The following UGT1A6 variants were observed in gnomAD, a reference collection of about 807,000 sequenced individuals.
UGT1A6 encodes UDP-glucuronosyltransferase 1A6.
Under a neutral mutation model 44.4 loss-of-function variants are expected in UGT1A6, and 32 were observed. That is an observed-to-expected ratio of 0.72 (90% CI 0.54 to 0.97). The LOEUF is 0.97. UGT1A6 is among the 50% of genes least tolerant of loss of function. The probability of loss-of-function intolerance (pLI) is 0.00; values close to 1 mark genes in which losing one functional copy is unlikely to be tolerated. For missense variants in UGT1A6, 685 were observed against 661.9 expected, an observed-to-expected ratio of 1.03 and a Z score of -0.38; for synonymous variants, 238 against 248.5, an observed-to-expected ratio of 0.96 and a Z score of 0.40.
At chr2:233,770,522 G>A (rs1294728713) in intron 4 of UGT1A6, 1 of 152,120 alleles carries the variant, frequency 6.6e-6, no homozygotes. Context: ...CCCAGGCATG[G>A]TGGTGTATGC....
chr2:233,771,982 G>T (rs1700430504), intron 4 of UGT1A6, among the ~76,000 whole-genome samples: 2 of 152,206 alleles, frequency 1.3e-5, no homozygotes, highest in South Asian at 4.1e-4. Context: ...AGACATAGTG[G>T]TGCATGACTA....
chr2:233,734,671 A>T (rs1355511130), intron 1 of UGT1A6, among the ~76,000 whole-genome samples: 2 of 152,154 alleles, frequency 1.3e-5, no homozygotes, highest in African/African-American at 4.8e-5. Context: ...ATTTCCCTCT[A>T]CACACTGATT....
intron 1 of UGT1A6, among the ~76,000 whole-genome samples, chr2:233,698,608 C>T (rs2075450737): frequency 6.6e-6 from 1 of 152,158 alleles, no homozygotes; most frequent in African/African-American, 2.4e-5. Context: ...GATTAATAAA[C>T]AGTGGAATTC....
intron 1 of UGT1A6, among the ~76,000 whole-genome samples, chr2:233,711,145 T>A (rs1293113032): frequency 1.3e-5 from 2 of 152,232 alleles, no homozygotes; most frequent in Non-Finnish European, 2.9e-5. Flanking sequence ...TGCCTTGGGC[T>A]GCTCCTCCTA....
intron 1 of UGT1A6, chr2:233,713,770 A>C: frequency 1.9e-6 from 3 of 1,613,732 alleles, no homozygotes; most frequent in Non-Finnish European, 2.5e-6. Flanking sequence ...TTCCGAGGGG[A>C]CTTTGTGATG....
At chr2:233,748,830 A>T (rs1694040307) in intron 1 of UGT1A6, among the ~76,000 whole-genome samples, 1 of 151,290 alleles carries the variant, frequency 6.6e-6, no homozygotes, top group African/African-American at 2.5e-5. Flanking sequence ...TCTAGGGAGG[A>T]GATAAAACTG....
At chr2:233,747,065 G>T (rs1693553512) in intron 1 of UGT1A6, 1 of 956,080 alleles carries the variant, frequency 1.0e-6, no homozygotes, top group Admixed American at 2.9e-5. Context: ...TGGTTAATCG[G>T]TAATAATTAA....
At chr2:233,701,084 G>A (rs2075609519) in intron 1 of UGT1A6, among the ~76,000 whole-genome samples, 1 of 152,164 alleles carries the variant, frequency 6.6e-6, no homozygotes, top group African/African-American at 2.4e-5. Flanking sequence ...ATTCCATGGT[G>A]TATATGTGCC....
rs143907483 is a variant in UGT1A6 at position 233,715,103 on chromosome 2, C to G, written c.861+21238C>G. 2.9e-3 allele frequency among the ~76,000 whole-genome samples: 442 copies of G among 152,202 alleles called. 2 individuals carry two copies. The highest frequency in any genetic ancestry group is 5.0e-3 in the Non-Finnish European group (340 of 68,020). On this transcript the variant is annotated intron_variant, in intron 1 of 4. Coordinates refer to ENST00000305139, the MANE Select transcript of UGT1A6 (RefSeq NM_001072.4). The stretch of plus-strand genomic sequence containing the variant: ...GTTTCATCATATTGGCCAGGCTGAT[C>G]TCAAATGCCTGATCTCAAGTGATTC...
chr2:233,761,212 G>A (rs1200424446), intron 1 of UGT1A6: 5 of 1,613,556 alleles, frequency 3.1e-6, no homozygotes, highest in Non-Finnish European at 2.5e-6. Flanking sequence ...ACTTTGGATC[G>A]ATTAACTAGC....
chr2:233,746,892 G>A (rs1693507408), intron 1 of UGT1A6, among the ~76,000 whole-genome samples: 1 of 151,796 alleles, frequency 6.6e-6, no homozygotes, highest in African/African-American at 2.4e-5. Flanking sequence ...GAAGTAGGAG[G>A]CTGTGACATG....
At chr2:233,692,066 G>T (rs1433912228), upstream of UGT1A6, 2 of 152,176 alleles carry the variant, frequency 1.3e-5, no homozygotes, top group Admixed American at 6.5e-5. Context: ...AGGGAAGAAA[G>T]GAGAGAGAGA....
At chr2:233,717,239 G>T (rs28898607) in intron 1 of UGT1A6, among the ~76,000 whole-genome samples, 1 of 152,308 alleles carries the variant, frequency 6.6e-6, no homozygotes, top group East Asian at 1.9e-4. Flanking sequence ...TTAAGATGCA[G>T]ACAGTTTTAA....
In UGT1A6 at chr2:233,725,076, A is replaced by G. The variant is rs376662690; in HGVS notation, c.861+31211A>G. ...GCGGCGCGCGCCTGCAATCGCAGGC[A>G]CTCGGCAGGCTGAGGCAGGAGAATC... On this transcript the variant is annotated intron_variant, in intron 1 of 4. Transcript: ENST00000305139. 5.6e-3 allele frequency among the ~76,000 whole-genome samples: 814 copies of G among 144,798 alleles called. 36 individuals carry two copies. Among genetic ancestry groups the G allele is most frequent in the Non-Finnish European group, 8.9e-3 (583 of 65,736 alleles). 95.0% of individuals were successfully genotyped at this position (144,798 alleles called of 152,430 possible).
At chr2:233,692,127 A>G (rs2075080184), upstream of UGT1A6, 1 of 152,198 alleles carries the variant, frequency 6.6e-6, no homozygotes, top group Admixed American at 6.5e-5. Context: ...AATCATGCCT[A>G]CTATGTATGG....
At position 233,767,929 on chromosome 2, in the gene UGT1A6, T is replaced by A; in HGVS notation, c.1074T>A (p.Asp358Glu). 1 of 1,614,196 alleles carries A rather than the reference T, an allele frequency of 6.2e-7. No individual in the cohort carries two copies. Among genetic ancestry groups the A allele is most frequent in the South Asian group, 1.1e-5 (1 of 91,080 alleles). The change falls in exon 3 of 5, where the codon GAT becomes GAA. Residue 358 changes from aspartate to glutamate, a missense_variant. By Grantham distance (45) the Asp-to-Glu change is conservative. Coordinates refer to ENST00000305139, the MANE Select transcript of UGT1A6 (RefSeq NM_001072.4). ...TTGTTAAGTGGCTACCCCAAAACGA[T>A]CTGCTTGGTATGTTGGGCGGATTGG... ...TILVKWLPQN[D>E]LLGHPMTRAF...
intron 1 of UGT1A6, chr2:233,756,150 C>G (rs1696134000): frequency 6.6e-6 from 1 of 152,108 alleles, no homozygotes; most frequent in Non-Finnish European, 1.5e-5. Flanking sequence ...CTGGGGATCC[C>G]TAGGATTTCC....
intron 1 of UGT1A6, among the ~76,000 whole-genome samples, chr2:233,725,499 G>A (rs1219431340): frequency 6.6e-6 from 1 of 151,906 alleles, no homozygotes; most frequent in African/African-American, 2.4e-5. Flanking sequence ...AGAAACCACT[G>A]AAATTAATTT....
chr2:233,769,809 C>A lies in UGT1A6; in HGVS notation c.1301+1370C>A. On this transcript the variant is annotated intron_variant, in intron 4 of 4. Transcript: ENST00000305139. This position sits in a 1 kb window ranked among gnomAD's most constrained non-coding sequence, Gnocchi z 4.4. Reference sequence around the variant, plus strand: ...GTTGGAGGCTGCTATGAGCCGTGATCATGCCACTGCACTCCAGCAACCTGG... The same window carrying A: ...GTTGGAGGCTGCTATGAGCCGTGATAATGCCACTGCACTCCAGCAACCTGG... 4.2e-6 allele frequency: 4 copies of A among 962,960 alleles called. No homozygotes were observed. The highest frequency in any genetic ancestry group is 3.0e-5 in the East Asian group (1 of 33,100). 59.7% of individuals were successfully genotyped at this position (962,960 alleles called of 1,614,324 possible). A position where few individuals can be genotyped will look rare whatever the true frequency, so the allele number is the denominator to read the frequency against.
Sources: allele counts gnomAD v4.1 joint callset (sites outside exome capture counted in the v4.1 genomes callset), GRCh38; gene constraint gnomAD v4.1.1; non-coding constraint Gnocchi (gnomAD v3.1); transcripts MANE v1.5; gene names NCBI Gene and HGNC (gene_info 2026-07-23, HGNC 2026-07-21).